ABHD12: variants seen among roughly 807,000 people sequenced by gnomAD.
The protein encoded by ABHD12 is abhydrolase domain containing 12, lysophospholipase.
A neutral mutation model predicts 58.3 loss-of-function variants in ABHD12; 43 were observed. The ratio of observed to expected loss-of-function variants is 0.74; its 90% CI spans 0.58 to 0.95. The LOEUF (loss-of-function observed/expected upper bound fraction) is 0.95. Ranked by LOEUF, ABHD12 falls within the 40% of genes least tolerant of loss-of-function variation. The pLI is 0.00. For synonymous variants in ABHD12, 219 were observed against 211.2 expected, an observed-to-expected ratio of 1.04 and a Z score of -0.32; for missense variants, 539 against 537.2, an observed-to-expected ratio of 1.00 and a Z score of -0.03.
At chr20:25,307,899 GTAAT>G (rs1431605890) in intron 9 of ABHD12, 63 bp downstream of exon 9, 3 of 751,898 alleles carry the variant, frequency 4.0e-6, no homozygotes, top group Non-Finnish European at 6.7e-6. Context: ...AATGTATCCT[GTAAT>G]TAGTTATTTC....
intron 1 of ABHD12, among the ~76,000 whole-genome samples, chr20:25,344,561 G>A (rs534893119): frequency 6.6e-6 from 1 of 152,188 alleles, no homozygotes; most frequent in Admixed American, 6.5e-5. Context: ...TCATGGACAG[G>A]AAGGCCCAAT....
intron 1 of ABHD12, among the ~76,000 whole-genome samples, chr20:25,373,216 T>C (rs1024849804): frequency 5.3e-5 from 8 of 152,204 alleles, no homozygotes; most frequent in Admixed American, 1.3e-4. Context: ...CATTACTATA[T>C]TGAGTGACAT....
intron 1 of ABHD12, among the ~76,000 whole-genome samples, chr20:25,346,932 C>T (rs1255975766): frequency 6.6e-6 from 1 of 152,200 alleles, no homozygotes; most frequent in African/African-American, 2.4e-5. Flanking sequence ...GTGTAAGCCA[C>T]TGCGCCCGGC....
downstream of ABHD12, chr20:25,295,762 A>G (rs781572943): frequency 2.3e-4 from 319 of 1,407,320 alleles, no homozygotes; most frequent in Non-Finnish European, 3.1e-4. Context: ...AGCTGAGTAG[A>G]TTCTTGGCCT....
At chr20:25,339,684 C>A (rs1465865327) in intron 1 of ABHD12, 2 of 1,379,752 alleles carry the variant, frequency 1.4e-6, no homozygotes, top group African/African-American at 2.9e-5. Flanking sequence ...ACATCAGACC[C>A]CAGCTGTAAC....
intron 1 of ABHD12, among the ~76,000 whole-genome samples, chr20:25,355,552 G>T (rs896249190): frequency 6.7e-6 from 1 of 150,028 alleles, no homozygotes; most frequent in Non-Finnish European, 1.5e-5. Context: ...AGTATAAACG[G>T]TTTTTTTTTT....
chr20:25,323,524 T>C, intron 2 of ABHD12, 94 bp from the exon 3 acceptor site: 2 of 813,068 alleles, frequency 2.5e-6, no homozygotes, highest in Admixed American at 1.8e-5. Context: ...TGCACAGATA[T>C]GCATCCACAC....
intron 1 of ABHD12, among the ~76,000 whole-genome samples, chr20:25,343,044 CT>C (rs1400743600): frequency 6.6e-6 from 1 of 152,218 alleles, no homozygotes; most frequent in African/African-American, 2.4e-5. Context: ...ATCCACCTAC[CT>C]TGGCCTCCCA....
chr20:25,367,931 C>A (rs1309380384), intron 1 of ABHD12, among the ~76,000 whole-genome samples: 1 of 152,198 alleles, frequency 6.6e-6, no homozygotes, highest in Admixed American at 6.5e-5. Context: ...GCAGCTGCTG[C>A]ATTATACAGT....
chr20:25,354,421 C>T (rs564089895), intron 1 of ABHD12, among the ~76,000 whole-genome samples: 1 of 152,298 alleles, frequency 6.6e-6, no homozygotes, highest in South Asian at 2.1e-4. Context: ...TGACAGAATA[C>T]GTTCTACATT....
downstream of ABHD12, chr20:25,297,865 G>GCAT (rs1361650290): frequency 3.3e-5 from 5 of 152,454 alleles, no homozygotes; most frequent in South Asian, 2.1e-4. Context: ...TGCCCTGACA[G>GCAT]CATCTTCCCC....
At chr20:25,330,129 G>T (rs768717815) in intron 2 of ABHD12, among the ~76,000 whole-genome samples, 1 of 152,260 alleles carries the variant, frequency 6.6e-6, no homozygotes. Flanking sequence ...GCCAAAGCAG[G>T]GCAAGGCATT....
In ABHD12 at chr20:25,308,448, G is replaced by A. The variant is rs764382275; in HGVS notation, c.787+9C>T. The A allele has an allele frequency of 1.9e-6, 3 of 1,611,218 alleles. No individual in the cohort carries two copies. The highest frequency in any genetic ancestry group is 2.5e-6 in the Non-Finnish European group (3 of 1,178,984). ...CACTGCCACGGCTGGGGCCCAACAAGGCACTCACCTCGCTCACAGAGGCGC... is the reference window on the plus strand; with the variant it reads ...CACTGCCACGGCTGGGGCCCAACAAAGCACTCACCTCGCTCACAGAGGCGC... On this transcript the variant is annotated intron_variant, in intron 8 of 12. Coordinates refer to ENST00000339157, the MANE Select transcript of ABHD12 (RefSeq NM_001042472.3).
chr20:25,300,743 A>G lies in ABHD12; in HGVS notation c.*102T>C. The G allele has an allele frequency of 6.3e-7, 1 of 1,598,348 alleles. No homozygotes were observed. The highest frequency in any genetic ancestry group is 8.5e-7 in the Non-Finnish European group (1 of 1,173,984). On this transcript the variant is annotated 3_prime_UTR_variant, in exon 13 of 13. Transcript: ENST00000339157. ...CCAGGTGCGAGCTGGGCTCCTGAGC[A>G]TTGCAGGTGCCGGCCCCCCGGGGCT...
intron 6 of ABHD12, among the ~76,000 whole-genome samples, chr20:25,313,126 G>C (rs2088893429): frequency 6.6e-6 from 1 of 152,274 alleles, no homozygotes; most frequent in Non-Finnish European, 1.5e-5. Context: ...GACGATGGCG[G>C]TTTTGTCGAA....
In ABHD12 at chr20:25,390,760, G is replaced by T; in HGVS notation, c.-57C>A. On this transcript the variant is annotated 5_prime_UTR_variant, in exon 1 of 13. Coordinates refer to ENST00000339157, the MANE Select transcript of ABHD12 (RefSeq NM_001042472.3). ...GCCCGCTGGCCTGCGCCGCAGTGCC[G>T]CCGCTCACAGCCGCCGCCACCCAGA... 1.8e-6 allele frequency: 1 copy of T among 559,696 alleles called. No individual in the cohort carries two copies. The highest frequency in any genetic ancestry group is 2.5e-6 in the Non-Finnish European group (1 of 402,616). 34.7% of individuals were successfully genotyped at this position (559,696 alleles called of 1,614,324 possible).
At chr20:25,308,868 G>A (rs987119340) in intron 7 of ABHD12, among the ~76,000 whole-genome samples, 2 of 152,220 alleles carry the variant, frequency 1.3e-5, no homozygotes, top group African/African-American at 4.8e-5. Context: ...CACACCTGGT[G>A]GACCACGCAG....
chr20:25,309,713 C>A (rs1600772509), intron 6 of ABHD12, 138 bp from the exon 7 acceptor site: 3 of 1,246,824 alleles, frequency 2.4e-6, no homozygotes, highest in South Asian at 2.8e-5. Flanking sequence ...AGTCCACAGA[C>A]CCACCCAGGC....
chr20:25,309,351 G>C (rs1385503555), intron 7 of ABHD12, 95 bp downstream of exon 7: 1 of 1,581,946 alleles, frequency 6.3e-7, no homozygotes, highest in African/African-American at 1.3e-5. Flanking sequence ...GGTGCCACAG[G>C]GTTTGCAGGG....
Sources: allele counts gnomAD v4.1 joint callset (sites outside exome capture counted in the v4.1 genomes callset), GRCh38; gene constraint gnomAD v4.1.1; transcripts MANE v1.5; gene names NCBI Gene and HGNC (gene_info 2026-07-23, HGNC 2026-07-21).